KCNIP4: variants seen among roughly 807,000 people sequenced by gnomAD.
The protein encoded by KCNIP4 is Kv channel-interacting protein 4.
KCNIP4 carries 12 observed loss-of-function variants against 34.0 expected under a neutral mutation model. The ratio of observed to expected loss-of-function variants is 0.35; its 90% CI spans 0.23 to 0.57. The LOEUF is 0.57. KCNIP4 is among the 20% of genes least tolerant of loss of function. The pLI, the probability that KCNIP4 is intolerant of heterozygous loss-of-function variation, is 0.83. For missense variants in KCNIP4, 238 were observed against 311.7 expected (o/e 0.76, Z 1.78); for synonymous variants, 124 against 102.2 (o/e 1.21, Z -1.29).
In KCNIP4 at chr4:21,694,925, A is replaced by T. The variant is rs746940380; in HGVS notation, c.61+253646T>A. Reference sequence around the variant, plus strand: ...ATAACACGATTGACCAAAAAAAAAAAAAAAATAAAAATAAATAAATAAATA... The same window carrying T: ...ATAACACGATTGACCAAAAAAAAAATAAAAATAAAAATAAATAAATAAATA... On this transcript the variant is annotated intron_variant, in intron 1 of 8. Coordinates refer to ENST00000382152, the MANE Select transcript of KCNIP4 (RefSeq NM_025221.6). 7.6e-3 allele frequency among the ~76,000 whole-genome samples: 739 copies of T among 96,688 alleles called. 15 individuals are homozygous for T. Among genetic ancestry groups the T allele is most frequent in the Non-Finnish European group, 0.012 (504 of 42,448 alleles). The allele number at this position is 96,688 out of a possible 152,430, so 63.4% of individuals were successfully genotyped here. A position where few individuals can be genotyped will look rare whatever the true frequency, so the allele number is the denominator to read the frequency against.
At chr4:20,754,799 A>C (rs1371730365) in intron 4 of KCNIP4, among the ~76,000 whole-genome samples, 1 of 152,198 alleles carries the variant, frequency 6.6e-6, no homozygotes, top group East Asian at 1.9e-4. Flanking sequence ...TATTTTTCAA[A>C]TAAAGATATA....
At chr4:21,782,553 C>G (rs2109215642) in intron 1 of KCNIP4, among the ~76,000 whole-genome samples, 1 of 152,046 alleles carries the variant, frequency 6.6e-6, no homozygotes, top group South Asian at 2.1e-4. Flanking sequence ...AAAAAATTAG[C>G]CAGGCATGAT....
chr4:21,408,452 A>G (rs1418758607), intron 1 of KCNIP4, among the ~76,000 whole-genome samples: 3 of 152,168 alleles, frequency 2.0e-5, no homozygotes, highest in Non-Finnish European at 4.4e-5. Flanking sequence ...CAGGCTAAGG[A>G]TTTTGAGAGA....
At position 21,248,441 on chromosome 4, in the gene KCNIP4, C is replaced by T. The variant is rs746229677; in HGVS notation, c.62-365732G>A. On this transcript the variant is annotated intron_variant, in intron 1 of 8. Transcript: ENST00000382152. ...CCTTGGGAATCTTCGCACGGATTTG[C>T]TAATTGGGTTTCTCTGAATATTCAG... Among the ~76,000 whole-genome samples the T allele has an allele frequency of 2.6e-5, 4 of 152,138 alleles. No individual in the cohort carries two copies. In the South Asian group the frequency reaches 6.2e-4, roughly 24 times the overall value.
chr4:21,257,075 A>G (rs1446529310), intron 1 of KCNIP4, among the ~76,000 whole-genome samples: 2 of 152,210 alleles, frequency 1.3e-5, no homozygotes, highest in Non-Finnish European at 2.9e-5. Context: ...CATTTGTTGA[A>G]TTAAAGAATG....
chr4:21,127,784 G>T (rs2109158853), intron 1 of KCNIP4, among the ~76,000 whole-genome samples: 1 of 152,322 alleles, frequency 6.6e-6, no homozygotes, highest in South Asian at 2.1e-4. Context: ...GTCCCATTTA[G>T]ATTCCATTGT....
At chr4:21,346,795 A>G (rs1406781238) in intron 1 of KCNIP4, among the ~76,000 whole-genome samples, 2 of 152,054 alleles carry the variant, frequency 1.3e-5, no homozygotes, top group South Asian at 2.1e-4. Context: ...CACACGTACA[A>G]CAGCAAAACT....
intron 5 of KCNIP4, among the ~76,000 whole-genome samples, chr4:20,740,885 G>A (rs183030732): frequency 6.1e-3 from 922 of 151,948 alleles, no homozygotes; most frequent in Middle Eastern, 0.017. Flanking sequence ...GATCTACCAA[G>A]CAAATGGAAA....
intron 1 of KCNIP4, among the ~76,000 whole-genome samples, chr4:21,264,602 G>T (rs1761681281): frequency 6.6e-6 from 1 of 152,110 alleles, no homozygotes; most frequent in African/African-American, 2.4e-5. Flanking sequence ...GTGTCCTAAA[G>T]ATTAAATGAC....
At chr4:20,966,233 C>T (rs921253922) in intron 1 of KCNIP4, among the ~76,000 whole-genome samples, 4 of 152,124 alleles carry the variant, frequency 2.6e-5, no homozygotes, top group Non-Finnish European at 2.9e-5. Flanking sequence ...ATCACATCAC[C>T]AATTACTTCA....
At chr4:20,918,156 T>C (rs1390807178) in intron 1 of KCNIP4, among the ~76,000 whole-genome samples, 1 of 152,034 alleles carries the variant, frequency 6.6e-6, no homozygotes, top group African/African-American at 2.4e-5. Context: ...AGCTCATCTC[T>C]GCTGTTTCCT....
chr4:21,273,947 G>A (rs944655200), intron 1 of KCNIP4, among the ~76,000 whole-genome samples: 10 of 152,190 alleles, frequency 6.6e-5, no homozygotes, highest in Middle Eastern at 3.4e-3. Flanking sequence ...TTTGAAATAC[G>A]CAACACAATT....
intron 1 of KCNIP4, among the ~76,000 whole-genome samples, chr4:21,584,804 G>A (rs1741489839): frequency 6.6e-6 from 1 of 152,120 alleles, no homozygotes; most frequent in African/African-American, 2.4e-5. Context: ...AAGAAAGATT[G>A]ATAGTGATGA....
chr4:20,965,008 T>C (rs762710012), intron 1 of KCNIP4, among the ~76,000 whole-genome samples: 1 of 152,164 alleles, frequency 6.6e-6, no homozygotes, highest in Non-Finnish European at 1.5e-5. Flanking sequence ...AAACTTTAAA[T>C]GATTCTATTT....
chr4:21,596,646 G>T (rs1341617738), intron 1 of KCNIP4, among the ~76,000 whole-genome samples: 4 of 152,102 alleles, frequency 2.6e-5, no homozygotes, highest in Non-Finnish European at 5.9e-5. Flanking sequence ...CAGGGAAGAA[G>T]AAGAAAGAAG....
At chr4:20,862,888 C>T (rs75839829) in intron 2 of KCNIP4, among the ~76,000 whole-genome samples, 7,365 of 152,148 alleles carry the variant, frequency 0.048, 566 homozygotes, top group African/African-American at 0.17. Context: ...AAATACCGCA[C>T]GTTCTTGCTT....
chr4:21,104,467 T>G (rs1276209523), intron 1 of KCNIP4, among the ~76,000 whole-genome samples: 2 of 152,178 alleles, frequency 1.3e-5, no homozygotes, highest in Non-Finnish European at 2.9e-5. Flanking sequence ...TAAATTTGTT[T>G]AAGTTCTTTG....
At chr4:21,578,426 A>C (rs565976340) in intron 1 of KCNIP4, among the ~76,000 whole-genome samples, 1 of 150,736 alleles carries the variant, frequency 6.6e-6, no homozygotes, top group South Asian at 2.1e-4. Context: ...TCTAAAGCCC[A>C]GTTTTTATAT....
chr4:21,624,768 A>G (rs1469326577), intron 1 of KCNIP4, among the ~76,000 whole-genome samples: 1 of 152,152 alleles, frequency 6.6e-6, no homozygotes, highest in Non-Finnish European at 1.5e-5. Context: ...ATAAAGTCAA[A>G]GACTCTTTGA....
Sources: gnomAD v4.1 joint callset for allele counts (sites outside exome capture counted in the v4.1 genomes callset) on GRCh38, gnomAD v4.1.1 for gene constraint, MANE v1.5 for transcripts, NCBI Gene and HGNC (gene_info 2026-07-23, HGNC 2026-07-21) for gene names.